The following AFAP1 variants were observed in gnomAD, a reference collection of about 807,000 sequenced individuals.
AFAP1 encodes actin filament associated protein 1.
A neutral mutation model predicts 93.9 loss-of-function variants in AFAP1; 75 were observed. That is an observed-to-expected ratio of 0.80 (90% CI 0.66 to 0.97). The LOEUF (loss-of-function observed/expected upper bound fraction) is 0.97. Ranked by LOEUF, AFAP1 falls within the 50% of genes least tolerant of loss-of-function variation. The pLI is 0.00. For synonymous variants in AFAP1, 517 were observed against 430.7 expected (o/e 1.20, Z -2.48); for missense variants, 1,201 against 1,050.8 (o/e 1.14, Z -1.98).
chr4:7,842,078 G>C (rs1713083988), intron 5 of AFAP1, among the ~76,000 whole-genome samples: 1 of 151,986 alleles, frequency 6.6e-6, no homozygotes, highest in African/African-American at 2.4e-5. Context: ...TATCAGACTG[G>C]AAATAAGGAC....
At position 7,761,678 on chromosome 4, in the gene AFAP1, T is replaced by C. The variant is rs2285762; in HGVS notation, c.*2087A>G. 105,001 of 152,158 alleles carry C rather than the reference T, an allele frequency of 0.69. 36,920 individuals carry two copies. The highest frequency in any genetic ancestry group is 0.77 in the Non-Finnish European group (52,350 of 68,002). The allele number at this position is 152,158 out of a possible 1,614,324, so 9.4% of individuals were successfully genotyped here. A position where few individuals can be genotyped will look rare whatever the true frequency, so the allele number is the denominator to read the frequency against. On this transcript the variant is annotated 3_prime_UTR_variant, in exon 18 of 18. Coordinates refer to ENST00000420658, the MANE Select transcript of AFAP1 (RefSeq NM_001134647.2). The stretch of plus-strand genomic sequence containing the variant: ...GCTGCCAATCAGAGTGGCCCAAGAG[T>C]GTCAACCAGGGAAACTATTTGACCC...
intron 15 of AFAP1, 23 bp downstream of exon 15, chr4:7,774,716 G>C: frequency 6.2e-7 from 1 of 1,611,588 alleles, no homozygotes; most frequent in Non-Finnish European, 8.5e-7. Context: ...TGCACCCTGG[G>C]CAGTCACCCA....
In AFAP1 at chr4:7,762,925, C is replaced by G. The variant is rs1180033846; in HGVS notation, c.*840G>C. On this transcript the variant is annotated 3_prime_UTR_variant, in exon 18 of 18. Transcript: ENST00000420658. ...TGTGAGAAGCACCTGCCGGCTCCGA[C>G]GTGGATTAAGGGCTGGGGATGCTAG... 1 of 152,320 alleles carries G rather than the reference C, an allele frequency of 6.6e-6. No homozygotes were observed. Among genetic ancestry groups the G allele is most frequent in the Non-Finnish European group, 1.5e-5 (1 of 68,172 alleles). The allele number at this position is 152,320 out of a possible 1,614,324, so 9.4% of individuals were successfully genotyped here. A position where few individuals can be genotyped will look rare whatever the true frequency, so the allele number is the denominator to read the frequency against.
intron 3 of AFAP1, chr4:7,861,875 C>CT (rs1442544378): frequency 6.6e-6 from 1 of 152,248 alleles, no homozygotes; most frequent in Non-Finnish European, 1.5e-5. Flanking sequence ...AAATCGTGGG[C>CT]TTTAGCCCCA....
chr4:7,820,948 A>T (rs1473812854), intron 6 of AFAP1, among the ~76,000 whole-genome samples: 1 of 152,044 alleles, frequency 6.6e-6, no homozygotes, highest in East Asian at 1.9e-4. Flanking sequence ...GAGAAGCCCC[A>T]TCTCTACTAA....
chr4:7,773,738 C>T (rs1349711608), intron 15 of AFAP1: 2 of 152,492 alleles, frequency 1.3e-5, no homozygotes, highest in Non-Finnish European at 2.9e-5. Context: ...AGCCTCCTCC[C>T]GTAGGGTCAG....
chr4:7,920,799 AT>A (rs140676613), intron 1 of AFAP1, among the ~76,000 whole-genome samples: 7,189 of 152,238 alleles, frequency 0.047, 249 homozygotes, highest in African/African-American at 0.096. Flanking sequence ...AGAAATGTAT[AT>A]TGTTTCATAA....
intron 10 of AFAP1, among the ~76,000 whole-genome samples, chr4:7,797,528 C>T (rs939550135): frequency 6.6e-6 from 1 of 152,200 alleles, no homozygotes; most frequent in South Asian, 2.1e-4. Context: ...ACAGCAGACG[C>T]GCCCAAACCT....
rs897136046 is a variant in AFAP1 at position 7,763,422 on chromosome 4, T to C, written c.*343A>G. 1.6e-5 allele frequency: 4 copies of C among 246,952 alleles called. No individual in the cohort carries two copies. Among genetic ancestry groups the C allele is most frequent in the African/African-American group, 2.3e-5 (1 of 44,178 alleles). 15.3% of individuals were successfully genotyped at this position (246,952 alleles called of 1,614,324 possible). ...ATCTGGGGGCTCATGGAACCATCCA[T>C]CCTCAGTCCAGGGCTGGGTTGGAAT... On this transcript the variant is annotated 3_prime_UTR_variant, in exon 18 of 18. Transcript: ENST00000420658.
rs114035434 is a variant in AFAP1, at chr4:7,770,813, C to T, written c.2254-1805G>A. ...ACTCCTGCCCTGCCACCACCCTCCA[C>T]GCAGGACAAAAGACAAGCAGCGTGG... On this transcript the variant is annotated intron_variant, in intron 16 of 17. Coordinates refer to ENST00000420658, the MANE Select transcript of AFAP1 (RefSeq NM_001134647.2). 8.9e-3 allele frequency among the ~76,000 whole-genome samples: 1,354 copies of T among 152,268 alleles called. 15 individuals are homozygous for T. The highest frequency in any genetic ancestry group is 0.022 in the African/African-American group (894 of 41,570).
Position 7,762,782 on chromosome 4 carries a change from C to CCATGAGCGAA in AFAP1, c.*973_*982dup, listed in dbSNP as rs1378107520. On this transcript the variant is annotated 3_prime_UTR_variant, in exon 18 of 18. Coordinates refer to ENST00000420658, the MANE Select transcript of AFAP1 (RefSeq NM_001134647.2). ...CCTCTTGCTCTAAGGTGTTATAGTT[C>CCATGAGCGAA]CATGAGCGAACAAATTCCGGAACTT... 6.6e-6 allele frequency: 1 copy of CCATGAGCGAA among 152,260 alleles called. No individual in the cohort carries two copies. The highest frequency in any genetic ancestry group is 1.5e-5 in the Non-Finnish European group (1 of 68,106). The allele number at this position is 152,260 out of a possible 1,614,324, so 9.4% of individuals were successfully genotyped here.
At chr4:7,806,103 G>C (rs1031761341) in intron 9 of AFAP1, among the ~76,000 whole-genome samples, 1 of 152,200 alleles carries the variant, frequency 6.6e-6, no homozygotes, top group Non-Finnish European at 1.5e-5. Flanking sequence ...GGGCAAATAA[G>C]AGATAAATTT....
At chr4:7,877,451 G>A (rs1304560941) in intron 1 of AFAP1, among the ~76,000 whole-genome samples, 1 of 152,202 alleles carries the variant, frequency 6.6e-6, no homozygotes, top group Non-Finnish European at 1.5e-5. Flanking sequence ...GTGATTACAA[G>A]TGCCAGGCAC....
At chr4:7,861,109 A>T (rs946457621) in intron 3 of AFAP1, among the ~76,000 whole-genome samples, 1 of 152,216 alleles carries the variant, frequency 6.6e-6, no homozygotes, top group African/African-American at 2.4e-5. Flanking sequence ...CTTTAATTTT[A>T]TATCTACAGT....
intron 5 of AFAP1, among the ~76,000 whole-genome samples, chr4:7,842,340 C>T (rs1351087842): frequency 1.4e-5 from 2 of 146,770 alleles, no homozygotes; most frequent in African/African-American, 2.5e-5. Context: ...AAAGGATTAT[C>T]TGCTCCACTA....
chr4:7,924,932 C>T (rs892486360), intron 1 of AFAP1, among the ~76,000 whole-genome samples: 2 of 152,142 alleles, frequency 1.3e-5, no homozygotes, highest in African/African-American at 4.8e-5. Flanking sequence ...GCCAAATACG[C>T]CCCTAACCAA....
chr4:7,802,787 C>T (rs917886530), intron 9 of AFAP1, among the ~76,000 whole-genome samples: 2 of 151,958 alleles, frequency 1.3e-5, no homozygotes, highest in African/African-American at 4.8e-5. Flanking sequence ...GCAGCTGGGA[C>T]TACAGGCGCC....
At chr4:7,824,150 T>TTC (rs1316096101) in intron 6 of AFAP1, among the ~76,000 whole-genome samples, 3 of 152,214 alleles carry the variant, frequency 2.0e-5, no homozygotes, top group African/African-American at 7.2e-5. Context: ...TAAATGAGGC[T>TTC]TCTATTAATA....
intron 1 of AFAP1, among the ~76,000 whole-genome samples, chr4:7,910,802 GGTGA>G (rs1346008299): frequency 6.6e-6 from 1 of 152,200 alleles, no homozygotes; most frequent in Non-Finnish European, 1.5e-5. Flanking sequence ...CTCTGCTGGA[GGTGA>G]GTATGTGATA....
Sources: allele counts gnomAD v4.1 joint callset (sites outside exome capture counted in the v4.1 genomes callset), GRCh38; gene constraint gnomAD v4.1.1; transcripts MANE v1.5; gene names NCBI Gene and HGNC (gene_info 2026-07-23, HGNC 2026-07-21).